TDP1: variants seen among roughly 807,000 people sequenced by gnomAD.
The protein encoded by TDP1 is tyr-DNA phosphodiesterase 1.
A neutral mutation model predicts 81.5 loss-of-function variants in TDP1; 64 were observed. The ratio of observed to expected loss-of-function variants is 0.79; its 90% CI spans 0.64 to 0.97. TDP1 has a LOEUF of 0.97. Among genes scored for constraint, TDP1 ranks in the 50% least tolerant of loss-of-function variants. The pLI is 0.00. For synonymous variants in TDP1, 256 were observed against 264.3 expected, an observed-to-expected ratio of 0.97 and a Z score of 0.30; for missense variants, 723 against 743.8, an observed-to-expected ratio of 0.97 and a Z score of 0.33.
intron 14 of TDP1, among the ~76,000 whole-genome samples, chr14:89,995,421 T>C (rs1896580845): frequency 6.6e-6 from 1 of 152,224 alleles, no homozygotes; most frequent in African/African-American, 2.4e-5. Flanking sequence ...AGAGTTTTAG[T>C]GTGCCTGTTT....
chr14:89,963,453 GAA>G lies in TDP1; in HGVS notation c.341_342del (p.Lys114ArgfsTer7), dbSNP rs769278668. 2.6e-5 allele frequency: 42 copies of G among 1,612,996 alleles called. No individual in the cohort carries two copies. The highest frequency in any genetic ancestry group is 1.7e-4 in the Admixed American group (10 of 59,890). ...QAEKVVIKKE[K>X]DISAPNDGTA... ...CTGAGAAAGTGGTGATCAAAAAGGA[GAA>G]AGACATCTCTGCTCCCAATGACGGC... On this transcript the variant is annotated frameshift_variant, in exon 3 of 17. Coordinates refer to ENST00000335725, the MANE Select transcript of TDP1 (RefSeq NM_018319.4). LOFTEE classifies it high-confidence loss of function.
intron 14 of TDP1, among the ~76,000 whole-genome samples, chr14:90,009,964 T>G (rs1388486392): frequency 2.0e-5 from 3 of 152,246 alleles, no homozygotes; most frequent in African/African-American, 7.2e-5. Context: ...TAGCCTATCT[T>G]AGGACATAGA....
At chr14:89,974,883 A>C (rs1894095373) in intron 6 of TDP1, among the ~76,000 whole-genome samples, 1 of 152,192 alleles carries the variant, frequency 6.6e-6, no homozygotes, top group Non-Finnish European at 1.5e-5. Context: ...CTGCTTAACC[A>C]AGATCTGGCA....
At chr14:89,962,061 C>T (rs1454808059) in intron 2 of TDP1, among the ~76,000 whole-genome samples, 1 of 152,116 alleles carries the variant, frequency 6.6e-6, no homozygotes, top group Non-Finnish European at 1.5e-5. Context: ...GTGACTGTTT[C>T]GTGTACTTTC....
Position 90,043,329 on chromosome 14 carries a change from A to T in TDP1, c.*186A>T. On this transcript the variant is annotated 3_prime_UTR_variant, in exon 17 of 17. Coordinates refer to ENST00000335725, the MANE Select transcript of TDP1 (RefSeq NM_018319.4). ...TGGACATTAACATTCCTAATAAAGT[A>T]TTAGTTTCTTAATTCACTTTTATAT... 2.9e-6 allele frequency: 2 copies of T among 683,714 alleles called. No homozygotes were observed. The highest frequency in any genetic ancestry group is 5.0e-6 in the Non-Finnish European group (2 of 402,498). The allele number at this position is 683,714 out of a possible 1,614,324, so 42.4% of individuals were successfully genotyped here.
chr14:90,023,102 A>T (rs757686690), intron 15 of TDP1: 2 of 759,828 alleles, frequency 2.6e-6, no homozygotes, highest in East Asian at 4.9e-5. Context: ...AGCTGAGGAA[A>T]CAGACACTGG....
chr14:90,034,383 C>T (rs887635419), intron 16 of TDP1, among the ~76,000 whole-genome samples: 1 of 152,192 alleles, frequency 6.6e-6, no homozygotes, highest in Non-Finnish European at 1.5e-5. Context: ...TTGAAAACTG[C>T]ATGCATTGAG....
intron 8 of TDP1, among the ~76,000 whole-genome samples, chr14:89,981,025 G>A (rs1009165722): frequency 2.0e-5 from 3 of 152,162 alleles, no homozygotes; most frequent in African/African-American, 7.2e-5. Context: ...TGAACCTATT[G>A]TTTTCCTAGT....
At chr14:90,030,681 C>T (rs1887173657) in intron 15 of TDP1, among the ~76,000 whole-genome samples, 1 of 152,160 alleles carries the variant, frequency 6.6e-6, no homozygotes, top group Non-Finnish European at 1.5e-5. Flanking sequence ...ATCGGTATTT[C>T]TTGAACACCT....
intron 16 of TDP1, among the ~76,000 whole-genome samples, chr14:90,041,192 G>A (rs1888317331): frequency 6.6e-6 from 1 of 152,204 alleles, no homozygotes; most frequent in Non-Finnish European, 1.5e-5. Flanking sequence ...AATAACAGAA[G>A]TCCAAGCACA....
At chr14:90,029,606 C>G (rs886468969) in intron 15 of TDP1, among the ~76,000 whole-genome samples, 1 of 150,318 alleles carries the variant, frequency 6.7e-6, no homozygotes, top group Non-Finnish European at 1.5e-5. Context: ...TCCAGCGATT[C>G]TCCTGTCTCA....
At chr14:89,968,631 G>C (rs1445091510) in intron 5 of TDP1, among the ~76,000 whole-genome samples, 1 of 152,216 alleles carries the variant, frequency 6.6e-6, no homozygotes, top group African/African-American at 2.4e-5. Context: ...TTAGCCTTTT[G>C]TTAGGGAAGG....
chr14:90,030,160 G>C (rs990612455), intron 15 of TDP1, among the ~76,000 whole-genome samples: 1 of 152,172 alleles, frequency 6.6e-6, no homozygotes, highest in Admixed American at 6.5e-5. Flanking sequence ...ATGTGAGCAG[G>C]GAAACCTGGG....
chr14:89,963,376 T>C lies in TDP1; in HGVS notation c.262T>C (p.Cys88Arg). ...KSGSQEDLGW[C>R]LSSSDDELQP... ...CGGTTCCCAGGAGGACCTCGGCTGG[T>C]GTCTGTCCAGCAGTGATGATGAGCT... is the stretch of plus-strand genomic sequence containing the variant. The change falls in exon 3 of 17, where the codon TGT becomes CGT. Residue 88 changes from cysteine to arginine, a missense_variant. By Grantham distance (180) the Cys-to-Arg change is radical (BLOSUM62 -3). Coordinates refer to ENST00000335725, the MANE Select transcript of TDP1 (RefSeq NM_018319.4). The C allele has an allele frequency of 6.2e-7, 1 of 1,614,198 alleles. No homozygotes were observed. The highest frequency in any genetic ancestry group is 8.5e-7 in the Non-Finnish European group (1 of 1,180,034).
At chr14:90,012,073 C>T (rs1358868013) in intron 14 of TDP1, among the ~76,000 whole-genome samples, 4 of 152,214 alleles carry the variant, frequency 2.6e-5, no homozygotes, top group Admixed American at 2.6e-4. Flanking sequence ...GACTTGGTGC[C>T]CTGCATCCCA....
At chr14:89,968,218 A>G (rs936694436) in intron 5 of TDP1, among the ~76,000 whole-genome samples, 7 of 151,554 alleles carry the variant, frequency 4.6e-5, no homozygotes, top group Non-Finnish European at 1.0e-4. Flanking sequence ...CATGTAAAAG[A>G]ATATTCAAAA....
At chr14:89,979,837 C>G (rs943309808) in intron 7 of TDP1, among the ~76,000 whole-genome samples, 3 of 152,144 alleles carry the variant, frequency 2.0e-5, no homozygotes, top group Admixed American at 1.3e-4. Flanking sequence ...ATGTGTTCGA[C>G]TAGAGGCCTG....
At position 89,980,225 on chromosome 14, in the gene TDP1, G is replaced by A. The variant is rs192218474; in HGVS notation, c.792-315G>A. The A allele has an allele frequency of 3.1e-5, 31 of 985,380 alleles. No individual in the cohort carries two copies. The Admixed American group carries it at 1.4e-3, about 43-fold the overall frequency. The allele number at this position is 985,380 out of a possible 1,614,324, so 61.0% of individuals were successfully genotyped here. A position where few individuals can be genotyped will look rare whatever the true frequency, so the allele number is the denominator to read the frequency against. On this transcript the variant is annotated intron_variant, in intron 7 of 16. Transcript: ENST00000335725. ...AAACACCAGACCAGAAGGTTCCAACGGTCCCTAGTAGTAACAGGTAATGCT... is the reference window on the plus strand; with the variant it reads ...AAACACCAGACCAGAAGGTTCCAACAGTCCCTAGTAGTAACAGGTAATGCT...
Position 89,983,831 on chromosome 14 carries a change from AAG to A in TDP1, c.885-683_885-682del, listed in dbSNP as rs980680570. 1.2e-4 allele frequency among the ~76,000 whole-genome samples: 19 copies of A among 152,222 alleles called. 1 individual carries two copies. Among genetic ancestry groups the A allele is most frequent in the Non-Finnish European group, 2.9e-5 (2 of 68,038 alleles). ...AGAGCATTGTTTTCCTCTAGGGAAAAAGAATTAATGAAATGAAAGATGTCTGT... is the reference window on the plus strand; with the variant it reads ...AGAGCATTGTTTTCCTCTAGGGAAAAAATTAATGAAATGAAAGATGTCTGT... On this transcript the variant is annotated intron_variant, in intron 8 of 16. Coordinates refer to ENST00000335725, the MANE Select transcript of TDP1 (RefSeq NM_018319.4).
Sources: allele counts gnomAD v4.1 joint callset (sites outside exome capture counted in the v4.1 genomes callset), GRCh38; gene constraint gnomAD v4.1.1; transcripts MANE v1.5; gene names NCBI Gene and HGNC (gene_info 2026-07-23, HGNC 2026-07-21).